KPRP: variants seen among roughly 807,000 people sequenced by gnomAD.
KPRP encodes keratinocyte proline rich protein, also known as keratinocyte proline-rich protein.
For synonymous variants in KPRP, 282 were observed against 276.9 expected (o/e 1.02, Z -0.18); for missense variants, 820 against 746.4 (o/e 1.10, Z -1.15).
chr1:152,761,330 G>T, exon 1 of KPRP: 2 of 1,610,926 alleles, frequency 1.2e-6, no homozygotes, highest in Non-Finnish European at 1.7e-6. Context: ...TATTTTTAAA[G>T]GAAAGGTGAC....
At chr1:152,760,108 C>A (rs2101562139) in exon 1 of KPRP, 5 of 1,614,184 alleles carry the variant, frequency 3.1e-6, no homozygotes, top group Non-Finnish European at 3.4e-6. Context: ...AGTGTGCCAG[C>A]CTCAGGGAAG....
At chr1:152,760,535 G>C (rs761587603) in exon 1 of KPRP, 1 of 1,611,578 alleles carries the variant, frequency 6.2e-7, no homozygotes, top group Non-Finnish European at 8.5e-7. Context: ...CCCATTTCAA[G>C]CTGCTCTCAG....
Position 152,760,168 on chromosome 1 carries a change from C to T in KPRP, c.580C>T (p.Gln194Ter). 1.2e-6 allele frequency: 2 copies of T among 1,614,118 alleles called. No individual in the cohort carries two copies. The highest frequency in any genetic ancestry group is 1.1e-5 in the South Asian group (1 of 91,082). Reference sequence around the variant, plus strand: ...AGGCTCCTATAGCAGTTGTGGCCCCCAGTTTCAGTCAAGGGCTACCTGCAA... The same window carrying T: ...AGGCTCCTATAGCAGTTGTGGCCCCTAGTTTCAGTCAAGGGCTACCTGCAA... Residue 194 changes from glutamine (Q) to a stop codon, truncating the protein, a stop_gained, in exon 1 of 1, where the codon CAG (glutamine) becomes TAG (stop). Transcript: ENST00000606109. LOFTEE classifies it low-confidence loss of function (END_TRUNC).
At chr1:152,760,629 T>C (rs1373080861) in exon 1 of KPRP, 5 of 1,609,752 alleles carry the variant, frequency 3.1e-6, no homozygotes, top group Admixed American at 1.7e-5. Context: ...CTGTTGAGAT[T>C]CCTCCCATCA....
In KPRP at chr1:152,760,975, T is replaced by C. The variant is rs2101563876; in HGVS notation, c.1387T>C (p.Cys463Arg). 1.2e-6 allele frequency: 2 copies of C among 1,612,174 alleles called. No individual in the cohort carries two copies. Among genetic ancestry groups the C allele is most frequent in the Non-Finnish European group, 1.7e-6 (2 of 1,180,022 alleles). Residue 463 changes from cysteine (C) to arginine (R), a missense_variant, in exon 1 of 1, where the codon TGC becomes CGC. Coordinates refer to ENST00000606109, the Ensembl canonical transcript of KPRP. ...GTGTGAGATTCCAGAGCCACGTCCA[T>C]GCCTGCAGCCCTGTGAGCACCCAGA...
chr1:152,758,067 T>C (rs527241218), upstream of KPRP, among the ~76,000 whole-genome samples: 78 of 152,214 alleles, frequency 5.1e-4, no homozygotes, highest in African/African-American at 1.6e-3. Context: ...AGGGTGAGTC[T>C]AGGAACTGGA....
At chr1:152,758,357 C>G (rs1386945159), upstream of KPRP, among the ~76,000 whole-genome samples, 1 of 152,134 alleles carries the variant, frequency 6.6e-6, no homozygotes, top group East Asian at 1.9e-4. Context: ...CAATTTACAC[C>G]TTATGAGCAA....
chr1:152,759,903 C>T, exon 1 of KPRP: 1 of 1,614,208 alleles, frequency 6.2e-7, no homozygotes, highest in Non-Finnish European at 8.5e-7. Context: ...CTCAAACTTC[C>T]TCTGTTCAAA....
chr1:152,760,744 C>T, exon 1 of KPRP: 1 of 1,614,166 alleles, frequency 6.2e-7, no homozygotes, highest in South Asian at 1.1e-5. Flanking sequence ...CTGTCCACCA[C>T]GGCGTCTTGA....
At chr1:152,761,918 G>T (rs757428094) in exon 1 of KPRP, 1 of 168,468 alleles carries the variant, frequency 5.9e-6, no homozygotes, top group Non-Finnish European at 1.4e-5. Flanking sequence ...CTAAATCTCA[G>T]TGTCTATCCT....
At chr1:152,761,512 T>G (rs978028135) in exon 1 of KPRP, 21 of 1,173,762 alleles carry the variant, frequency 1.8e-5, no homozygotes, top group Middle Eastern at 2.9e-4. Flanking sequence ...CAGATGCCTC[T>G]CCAGCCTCAC....
exon 1 of KPRP, chr1:152,761,762 C>T: frequency 5.4e-6 from 1 of 186,158 alleles, no homozygotes; most frequent in South Asian, 1.4e-4. Context: ...GAACCTGTGC[C>T]GACTTCCTAG....
chr1:152,759,960 G>C (rs4845480), exon 1 of KPRP: 809,899 of 1,613,912 alleles, frequency 0.5, 204,743 homozygotes, highest in African/African-American at 0.54. Flanking sequence ...AGTGCGAAGC[G>C]TCACAACCTG....
upstream of KPRP, chr1:152,759,433 T>A: frequency 7.7e-7 from 1 of 1,306,814 alleles, no homozygotes; most frequent in Non-Finnish European, 1.0e-6. Flanking sequence ...TCGAACTAAG[T>A]CAGGACACTT....
At chr1:152,758,647 G>A (rs1049432024), upstream of KPRP, among the ~76,000 whole-genome samples, 3 of 152,182 alleles carry the variant, frequency 2.0e-5, no homozygotes, top group African/African-American at 4.8e-5. Context: ...CTCACGTTAT[G>A]TTTGCAATGC....
At chr1:152,759,881 C>T in exon 1 of KPRP, 1 of 1,614,194 alleles carries the variant, frequency 6.2e-7, no homozygotes, top group South Asian at 1.1e-5. Flanking sequence ...AAGGGCCAGG[C>T]TGCATCCCAA....
At position 152,760,010 on chromosome 1, in the gene KPRP, CA is replaced by C; in HGVS notation, c.423del (p.Glu142LysfsTer5). 1 of 1,614,190 alleles carries C rather than the reference CA, an allele frequency of 6.2e-7. No individual in the cohort carries two copies. The highest frequency in any genetic ancestry group is 8.5e-7 in the Non-Finnish European group (1 of 1,180,042). On this transcript the variant is annotated frameshift_variant, in exon 1 of 1. Coordinates refer to ENST00000606109, the Ensembl canonical transcript of KPRP. LOFTEE classifies it low-confidence loss of function (END_TRUNC). ...GTAGAATGTGCTCCAGTTTGTTATA[CA>C]GAAACTTGTTATGTAGAATGCCCAG...
chr1:152,759,616 C>T (rs146340487), exon 1 of KPRP: 137 of 1,613,916 alleles, frequency 8.5e-5, no homozygotes, highest in Middle Eastern at 3.3e-4. Context: ...GATCCAGTGC[C>T]GCCTGCCGCT....
At chr1:152,761,538 C>T (rs1404268608) in exon 1 of KPRP, 7 of 856,314 alleles carry the variant, frequency 8.2e-6, no homozygotes, top group South Asian at 7.4e-5. Context: ...ACTCCTCGCC[C>T]GTACGCATCC....
Sources: allele counts gnomAD v4.1 joint callset (sites outside exome capture counted in the v4.1 genomes callset), GRCh38; gene constraint gnomAD v4.1.1; transcripts MANE v1.5; gene names NCBI Gene and HGNC (gene_info 2026-07-23, HGNC 2026-07-21).